The following USH2A variants were observed in gnomAD, a reference collection of about 807,000 sequenced individuals.
USH2A encodes usherin.
A neutral mutation model predicts 538.9 loss-of-function variants in USH2A; 443 were observed. The ratio of observed to expected loss-of-function variants is 0.82; its 90% CI spans 0.76 to 0.89. The LOEUF (loss-of-function observed/expected upper bound fraction) is 0.89, where lower values mean the gene tolerates loss of function less well. Ranked by LOEUF, USH2A falls within the 40% of genes least tolerant of loss-of-function variation. The pLI is 0.00. For missense variants in USH2A, 6,633 were observed against 6,324.8 expected, an observed-to-expected ratio of 1.05 and a Z score of -1.65; for synonymous variants, 2,413 against 2,273.5, an observed-to-expected ratio of 1.06 and a Z score of -1.75.
At chr1:216,122,655 G>A (rs2102595686) in intron 21 of USH2A, among the ~76,000 whole-genome samples, 1 of 152,300 alleles carries the variant, frequency 6.6e-6, no homozygotes, top group Non-Finnish European at 1.5e-5. Flanking sequence ...TTTGAACAAA[G>A]TGTGTACAAA....
At chr1:215,720,955 C>A (rs2102706747) in intron 61 of USH2A, among the ~76,000 whole-genome samples, 1 of 152,118 alleles carries the variant, frequency 6.6e-6, no homozygotes, top group African/African-American at 2.4e-5. Context: ...ATGCCATGAT[C>A]CTGGGGAAAT....
chr1:216,149,867 C>G (rs9726104), intron 21 of USH2A, among the ~76,000 whole-genome samples: 4,890 of 152,220 alleles, frequency 0.032, 253 homozygotes, highest in African/African-American at 0.11. Flanking sequence ...AGGATCCTCC[C>G]CACTGGGTTC....
intron 20 of USH2A, among the ~76,000 whole-genome samples, chr1:216,189,188 G>A (rs1489618399): frequency 6.6e-6 from 1 of 151,818 alleles, no homozygotes; most frequent in Non-Finnish European, 1.5e-5. Context: ...GAATTTCAGA[G>A]TTGTTTGCAT....
At chr1:216,230,959 C>T (rs1328021982) in intron 14 of USH2A, among the ~76,000 whole-genome samples, 1 of 149,816 alleles carries the variant, frequency 6.7e-6, no homozygotes, top group African/African-American at 2.5e-5. Context: ...AAAAATACAG[C>T]AATAAACACA....
Position 215,838,079 on chromosome 1 carries a change from A to G in USH2A, c.9283T>C (p.Cys3095Arg). ...IQVEVCTIYA[C>R]VKSNGTQITT... Reference sequence around the variant, plus strand: ...ATTTGGGTTCCATTGCTTTTCACGCAGGCATATATTGTGCAGACTTCAACC... The same window carrying G: ...ATTTGGGTTCCATTGCTTTTCACGCGGGCATATATTGTGCAGACTTCAACC... The change falls in exon 47 of 72, where the codon TGC becomes CGC. Residue 3095 changes from cysteine (C) to arginine (R), a missense_variant. Coordinates refer to ENST00000307340, the MANE Select transcript of USH2A (RefSeq NM_206933.4). The G allele has an allele frequency of 2.5e-6, 4 of 1,614,048 alleles. No homozygotes were observed. The highest frequency in any genetic ancestry group is 3.4e-6 in the Non-Finnish European group (4 of 1,179,932).
In USH2A at chr1:215,784,379, C is replaced by T. The variant is rs143699574; in HGVS notation, c.10388-1444G>A. On this transcript the variant is annotated intron_variant, in intron 52 of 71. Transcript: ENST00000307340. ...CAGATGGTCAATATGTTTTACATTT[C>T]TGCTACAGCAAATTAAACTACTTAT... Among the ~76,000 whole-genome samples, 382 of 152,292 alleles carry T rather than the reference C, an allele frequency of 2.5e-3. 3 individuals are homozygous for T. Among genetic ancestry groups the T allele is most frequent in the African/African-American group, 8.9e-3 (370 of 41,564 alleles).
At chr1:216,066,976 T>C (rs1009479301) in intron 30 of USH2A, among the ~76,000 whole-genome samples, 2 of 152,214 alleles carry the variant, frequency 1.3e-5, no homozygotes, top group Non-Finnish European at 2.9e-5. Flanking sequence ...ATTTATTATA[T>C]CATCATTGTC....
chr1:216,314,866 C>A (rs1222830564), intron 9 of USH2A, among the ~76,000 whole-genome samples: 1 of 152,040 alleles, frequency 6.6e-6, no homozygotes, highest in Non-Finnish European at 1.5e-5. Flanking sequence ...GCTTGGCTAC[C>A]CTTGCAGGTA....
At chr1:215,627,426 TTCCTTCCTTCCTTCCTTCC>T (rs1558027380) in intron 71 of USH2A, among the ~76,000 whole-genome samples, 71 of 124,266 alleles carry the variant, frequency 5.7e-4, no homozygotes, top group Middle Eastern at 3.8e-3. Flanking sequence ...CCTTCCTTCC[TTCCTTCCTTCCTTCCTTCC>T]TTCCTTCCTT....
At chr1:215,635,030 G>A (rs918496935) in intron 69 of USH2A, among the ~76,000 whole-genome samples, 1 of 152,122 alleles carries the variant, frequency 6.6e-6, no homozygotes, top group Non-Finnish European at 1.5e-5. Context: ...GTAACCTTGA[G>A]GGTCACCTGT....
chr1:216,311,022 CCAAAGGG>C (rs2037411010), intron 9 of USH2A, among the ~76,000 whole-genome samples: 1 of 152,162 alleles, frequency 6.6e-6, no homozygotes, highest in South Asian at 2.1e-4. Context: ...AAGAGAGGTC[CCAAAGGG>C]AATATCCTGA....
chr1:215,700,611 T>A (rs1173907040), intron 61 of USH2A, among the ~76,000 whole-genome samples: 1 of 152,242 alleles, frequency 6.6e-6, no homozygotes, highest in Non-Finnish European at 1.5e-5. Context: ...GTTTATAGTA[T>A]CCTCTGATGG....
At chr1:216,259,086 T>C (rs914162201) in intron 11 of USH2A, among the ~76,000 whole-genome samples, 1 of 152,090 alleles carries the variant, frequency 6.6e-6, no homozygotes, top group Admixed American at 6.6e-5. Context: ...CCTTCAACTG[T>C]TCCTGTTAAG....
chr1:215,695,785 T>G (rs1352501043), intron 61 of USH2A, among the ~76,000 whole-genome samples: 2 of 152,198 alleles, frequency 1.3e-5, no homozygotes, highest in Non-Finnish European at 2.9e-5. Flanking sequence ...ACAGAGTCTC[T>G]CTATTGCCCA....
chr1:216,170,810 T>A (rs939459985), intron 21 of USH2A, among the ~76,000 whole-genome samples: 1 of 152,054 alleles, frequency 6.6e-6, no homozygotes, highest in African/African-American at 2.4e-5. Flanking sequence ...TACTCTGCAT[T>A]CCTGAAAAAA....
chr1:216,365,176 T>C, intron 3 of USH2A, 91 bp from the exon 4 acceptor site: 1 of 1,439,368 alleles, frequency 6.9e-7, no homozygotes, highest in Non-Finnish European at 9.4e-7. Flanking sequence ...AGTAACTTTC[T>C]TTCTTCTTTA....
At chr1:215,813,632 T>A (rs1045284918) in intron 49 of USH2A, 104 bp downstream of exon 49, 9 of 1,432,716 alleles carry the variant, frequency 6.3e-6, no homozygotes, top group Non-Finnish European at 8.8e-6. Context: ...TATGGTTCAA[T>A]TTTTGTTGAG....
chr1:215,865,835 G>T (rs891066151), intron 44 of USH2A, among the ~76,000 whole-genome samples: 4 of 152,092 alleles, frequency 2.6e-5, no homozygotes, highest in African/African-American at 9.7e-5. Flanking sequence ...ATTTATAATT[G>T]ATATCCTCAA....
chr1:216,148,926 G>GC (rs1167208874), intron 21 of USH2A, among the ~76,000 whole-genome samples: 2 of 151,970 alleles, frequency 1.3e-5, no homozygotes, highest in Non-Finnish European at 2.9e-5. Context: ...TTCACAGACA[G>GC]CCCCCATTAC....
Sources: gnomAD v4.1 joint callset for allele counts (sites outside exome capture counted in the v4.1 genomes callset) on GRCh38, gnomAD v4.1.1 for gene constraint, MANE v1.5 for transcripts, NCBI Gene and HGNC (gene_info 2026-07-23, HGNC 2026-07-21) for gene names.